The following TEX2 variants were observed in gnomAD, a reference collection of about 807,000 sequenced individuals.
The protein encoded by TEX2 is testis-expressed protein 2.
A neutral mutation model predicts 106.9 loss-of-function variants in TEX2; 53 were observed. The ratio of observed to expected loss-of-function variants is 0.50; its 90% CI spans 0.40 to 0.62. The LOEUF is 0.62. TEX2 is among the 20% of genes least tolerant of loss of function. The pLI is 0.00. For missense variants in TEX2, 1,207 were observed against 1,379.0 expected, an observed-to-expected ratio of 0.88 and a Z score of 1.98; for synonymous variants, 523 against 534.8, an observed-to-expected ratio of 0.98 and a Z score of 0.30.
chr17:64,207,980 C>T (rs531474528), intron 2 of TEX2, among the ~76,000 whole-genome samples: 11 of 152,218 alleles, frequency 7.2e-5, no homozygotes, highest in East Asian at 1.9e-4. Flanking sequence ...GTGATCCACC[C>T]GCCTCAGCCT....
intron 2 of TEX2, among the ~76,000 whole-genome samples, chr17:64,202,183 A>G (rs1417791396): frequency 1.3e-5 from 2 of 152,192 alleles, no homozygotes; most frequent in Admixed American, 6.5e-5. Flanking sequence ...TCTTATCTAG[A>G]GCAGAGAGGG....
chr17:64,207,884 C>G (rs1465887677), intron 2 of TEX2, among the ~76,000 whole-genome samples: 1 of 152,118 alleles, frequency 6.6e-6, no homozygotes, highest in Admixed American at 6.5e-5. Context: ...TACAGGCACC[C>G]GCCACCACGC....
intron 5 of TEX2, among the ~76,000 whole-genome samples, chr17:64,178,411 C>A (rs895106663): frequency 3.3e-5 from 5 of 152,164 alleles, no homozygotes; most frequent in African/African-American, 1.2e-4. Flanking sequence ...CACATGCCAG[C>A]CCTATGGGCA....
At chr17:64,231,386 T>G (rs982470369) in intron 1 of TEX2, among the ~76,000 whole-genome samples, 2 of 152,230 alleles carry the variant, frequency 1.3e-5, no homozygotes, top group Admixed American at 6.5e-5. Context: ...GTGTGGTCAC[T>G]GTTGTGCCCA....
intron 7 of TEX2, among the ~76,000 whole-genome samples, chr17:64,170,836 T>C (rs546266964): frequency 2.0e-5 from 3 of 152,238 alleles, no homozygotes; most frequent in African/African-American, 7.2e-5. Flanking sequence ...TGTTTTGCCA[T>C]GTTGGCCAGG....
intron 1 of TEX2, among the ~76,000 whole-genome samples, chr17:64,221,040 T>A (rs2033345807): frequency 6.6e-6 from 1 of 152,206 alleles, no homozygotes; most frequent in African/African-American, 2.4e-5. Context: ...AATGAGATCA[T>A]GTCCTTTCCA....
intron 2 of TEX2, among the ~76,000 whole-genome samples, chr17:64,209,187 C>T (rs542935145): frequency 5.8e-4 from 89 of 152,264 alleles, no homozygotes; most frequent in African/African-American, 1.9e-3. Flanking sequence ...TTAATGTCAA[C>T]GCTGCTAAAT....
chr17:64,257,241 C>T (rs1555637863), intron 1 of TEX2, among the ~76,000 whole-genome samples: 1 of 152,206 alleles, frequency 6.6e-6, no homozygotes, highest in African/African-American at 2.4e-5. Context: ...ATTTCCCATT[C>T]TCCCAGCTTC....
intron 2 of TEX2, among the ~76,000 whole-genome samples, chr17:64,209,534 C>T (rs1471247299): frequency 6.6e-6 from 1 of 152,216 alleles, no homozygotes; most frequent in African/African-American, 2.4e-5. Context: ...AATGCTTAGT[C>T]TATGACAGTT....
intron 2 of TEX2, among the ~76,000 whole-genome samples, chr17:64,196,670 G>A (rs1000748089): frequency 3.9e-5 from 6 of 152,160 alleles, no homozygotes; most frequent in Admixed American, 2.0e-4. Context: ...CAGAGCATCC[G>A]TTTGGGTGGG....
intron 1 of TEX2, among the ~76,000 whole-genome samples, chr17:64,229,168 A>G (rs1047561306): frequency 3.9e-5 from 6 of 152,226 alleles, no homozygotes; most frequent in African/African-American, 1.4e-4. Context: ...AATGAGGTAC[A>G]TATTTAAAAT....
chr17:64,189,934 A>G (rs2143873084), intron 4 of TEX2, among the ~76,000 whole-genome samples: 1 of 151,924 alleles, frequency 6.6e-6, no homozygotes, highest in South Asian at 2.1e-4. Context: ...GCAGTGAGCC[A>G]AGATCATACC....
In TEX2 at chr17:64,256,250, C is replaced by T. The variant is rs1409828072; in HGVS notation, c.-26+6918G>A. On this transcript the variant is annotated intron_variant, in intron 1 of 11. Coordinates refer to ENST00000584379, the MANE Select transcript of TEX2 (RefSeq NM_001288732.2). Reference sequence around the variant, plus strand: ...GCCCTGAGAGTCAGCAAACCCTACCCACAGTCCTTTCTGTACATGCCAGGC... The same window carrying T: ...GCCCTGAGAGTCAGCAAACCCTACCTACAGTCCTTTCTGTACATGCCAGGC... Among the ~76,000 whole-genome samples, 3 of 152,210 alleles carry T rather than the reference C, an allele frequency of 2.0e-5. No individual in the cohort carries two copies. The South Asian group carries it at 6.2e-4, about 31-fold the overall frequency.
At chr17:64,257,427 T>A (rs189114065) in intron 1 of TEX2, among the ~76,000 whole-genome samples, 1 of 152,368 alleles carries the variant, frequency 6.6e-6, no homozygotes, top group South Asian at 2.1e-4. Context: ...TCCCCACTTA[T>A]CTGCAGTTTC....
intron 5 of TEX2, among the ~76,000 whole-genome samples, chr17:64,181,704 C>T (rs992817778): frequency 2.6e-5 from 4 of 151,714 alleles, no homozygotes; most frequent in African/African-American, 7.3e-5. Context: ...TTAGTACAGA[C>T]GGGGCTTCTC....
intron 1 of TEX2, among the ~76,000 whole-genome samples, chr17:64,224,505 A>G (rs1555633638): frequency 6.6e-6 from 1 of 152,254 alleles, no homozygotes; most frequent in Non-Finnish European, 1.5e-5. Context: ...ATAATGAACT[A>G]GCTCTAGCCT....
intron 1 of TEX2, among the ~76,000 whole-genome samples, chr17:64,244,857 C>A (rs1485433144): frequency 2.0e-5 from 3 of 152,154 alleles, no homozygotes; most frequent in Non-Finnish European, 4.4e-5. Flanking sequence ...CTACTCCCCC[C>A]AACCCTGGCT....
chr17:64,258,422 A>G (rs1555638064), intron 1 of TEX2, among the ~76,000 whole-genome samples: 2 of 151,758 alleles, frequency 1.3e-5, no homozygotes, highest in Non-Finnish European at 3.0e-5. Flanking sequence ...GTAATCTTGG[A>G]AAGTTATTTA....
At chr17:64,251,825 G>C (rs2034098393) in intron 1 of TEX2, among the ~76,000 whole-genome samples, 1 of 152,160 alleles carries the variant, frequency 6.6e-6, no homozygotes, top group Admixed American at 6.5e-5. Context: ...ACTGCCTAGA[G>C]CCCTCTTTAG....
Sources: gnomAD v4.1 joint callset for allele counts (sites outside exome capture counted in the v4.1 genomes callset) on GRCh38, gnomAD v4.1.1 for gene constraint, MANE v1.5 for transcripts, NCBI Gene and HGNC (gene_info 2026-07-23, HGNC 2026-07-21) for gene names.